Variants in PSG3 observed in about 807,000 individuals in gnomAD.
The protein encoded by PSG3 is pregnancy specific beta-1-glycoprotein 3.
PSG3 carries 61 observed loss-of-function variants against 47.5 expected under a neutral mutation model. The observed-to-expected ratio is 1.28, with a 90% CI of 1.05 to 1.59. The LOEUF (loss-of-function observed/expected upper bound fraction) is 1.59. Among genes scored for constraint, PSG3 ranks in the 40% most tolerant of loss-of-function variants. PSG3 has a pLI of 0.00. For missense variants in PSG3, 756 were observed against 524.0 expected (o/e 1.44, Z -4.32); for synonymous variants, 263 against 198.4 (o/e 1.33, Z -2.74).
At chr19:42,724,906 G>A (rs1047125063) in intron 5 of PSG3, among the ~76,000 whole-genome samples, 1 of 152,016 alleles carries the variant, frequency 6.6e-6, no homozygotes. Flanking sequence ...GGAAGGTACT[G>A]TTGAGGGGCA....
intron 5 of PSG3, among the ~76,000 whole-genome samples, chr19:42,728,659 T>G (rs1476410020): frequency 6.6e-6 from 1 of 151,978 alleles, no homozygotes; most frequent in Non-Finnish European, 1.5e-5. Flanking sequence ...GGAAGCAGAG[T>G]CTGAGCTGCT....
At position 42,721,942 on chromosome 19, in the gene PSG3, G is replaced by T; in HGVS notation, c.*189C>A. On this transcript the variant is annotated 3_prime_UTR_variant, in exon 7 of 7. Coordinates refer to ENST00000327495, the MANE Select transcript of PSG3 (RefSeq NM_021016.4). ...CAGCCTGTTCATTAAAATTTTGAAA[G>T]TTCTTAGTCCAGTGGTATGATCTTG... The T allele has an allele frequency of 2.4e-6, 1 of 415,298 alleles. No homozygotes were observed. The highest frequency in any genetic ancestry group is 3.6e-5 in the East Asian group (1 of 27,966). The allele number at this position is 415,298 out of a possible 1,614,324, so 25.7% of individuals were successfully genotyped here. A position where few individuals can be genotyped will look rare whatever the true frequency, so the allele number is the denominator to read the frequency against.
At chr19:42,738,260 G>T (rs1286275101) in intron 2 of PSG3, among the ~76,000 whole-genome samples, 2 of 152,200 alleles carry the variant, frequency 1.3e-5, no homozygotes, top group Non-Finnish European at 2.9e-5. Flanking sequence ...AGTAAGCCCT[G>T]CCCAAGAAGC....
rs564450460 is a variant in PSG3, at chr19:42,721,818, A to C, written c.*313T>G. 30 of 411,000 alleles carry C rather than the reference A, an allele frequency of 7.3e-5. No individual in the cohort carries two copies. The highest frequency in any genetic ancestry group is 3.9e-4 in the African/African-American group (19 of 48,746). 25.5% of individuals were successfully genotyped at this position (411,000 alleles called of 1,614,324 possible). On this transcript the variant is annotated 3_prime_UTR_variant, in exon 7 of 7. Coordinates refer to ENST00000327495, the MANE Select transcript of PSG3 (RefSeq NM_021016.4). ...ATCTGGAGAATAAAACATTCAAAGA[A>C]TCAGCACATTTTCAAATAGAAAATT...
chr19:42,726,036 A>C (rs1969373286), intron 5 of PSG3, among the ~76,000 whole-genome samples: 1 of 152,146 alleles, frequency 6.6e-6, no homozygotes, highest in Non-Finnish European at 1.5e-5. Flanking sequence ...AGAAACACAC[A>C]AAAATATGAA....
intron 5 of PSG3, among the ~76,000 whole-genome samples, chr19:42,727,565 C>T (rs566138149): frequency 6.6e-6 from 1 of 152,274 alleles, no homozygotes; most frequent in Admixed American, 6.5e-5. Flanking sequence ...TGTTACACCA[C>T]CTCACACACT....
intron 2 of PSG3, among the ~76,000 whole-genome samples, chr19:42,735,029 T>A (rs549993588): frequency 1.8e-4 from 27 of 152,298 alleles, no homozygotes; most frequent in African/African-American, 6.3e-4. Context: ...AACGGCATCA[T>A]CATGAGGAAA....
intron 5 of PSG3, 42 bp from the exon 6 acceptor site, chr19:42,724,067 T>A: frequency 6.3e-7 from 1 of 1,575,246 alleles, no homozygotes; most frequent in Non-Finnish European, 8.7e-7. Context: ...AAGATGATGT[T>A]ATTTTACATG....
intron 2 of PSG3, among the ~76,000 whole-genome samples, chr19:42,734,976 A>G (rs556251613): frequency 6.6e-6 from 1 of 152,312 alleles, no homozygotes; most frequent in South Asian, 2.1e-4. Context: ...TGAGATGCCA[A>G]TGGTTTGTGT....
rs757928012 is a variant in PSG3, at chr19:42,738,725, G to T, written c.429C>A (p.Tyr143Ter). 3 of 1,613,734 alleles carry T rather than the reference G, an allele frequency of 1.9e-6. No individual in the cohort carries two copies. The highest frequency in any genetic ancestry group is 1.7e-6 in the Non-Finnish European group (2 of 1,179,754). The change falls in exon 2 of 7, where the codon TAC becomes TAA. Residue 143 changes from tyrosine (Y) to a stop codon, truncating the protein, a stop_gained and splice_region_variant. Coordinates refer to ENST00000327495, the MANE Select transcript of PSG3 (RefSeq NM_021016.4). LOFTEE classifies it high-confidence loss of function. ...CAGTGATCACGTGGAGTCACTCACG[G>T]TATAAGGTGAAGGTGAAATGTCCAG... ...GETGHFTFTL[Y>*]LETPKPSISS...
chr19:42,724,009 T>A lies in PSG3; in HGVS notation c.1260A>T (p.Gly420=). ...TVKVSAPSGT[G]HLPGLNPL ...ATAATGGATTAAGGCCAGGAAGATG[T>A]CCTGTTCCTGAAGGAGCTGTCATGG... Residue 420 remains glycine, a synonymous_variant, in exon 6 of 7, where the codon GGA becomes GGT. Coordinates refer to ENST00000327495, the MANE Select transcript of PSG3 (RefSeq NM_021016.4). 6.2e-7 allele frequency: 1 copy of A among 1,611,946 alleles called. No homozygotes were observed. The highest frequency in any genetic ancestry group is 8.5e-7 in the Non-Finnish European group (1 of 1,178,060).
chr19:42,738,579 G>A, intron 2 of PSG3, 145 bp downstream of exon 2: 1 of 1,501,550 alleles, frequency 6.7e-7, no homozygotes, highest in Non-Finnish European at 9.2e-7. Flanking sequence ...TGTCTCTTCT[G>A]TGTGTGTCCT....
rs757848641 is a variant in PSG3 at position 42,729,159 on chromosome 19, T to C, written c.1207A>G (p.Met403Val). The change falls in exon 5 of 7, where the codon ATG becomes GTG. Residue 403 changes from methionine to valine, a missense_variant. Met to Val is a conservative substitution (Grantham distance 21). Coordinates refer to ENST00000327495, the MANE Select transcript of PSG3 (RefSeq NM_021016.4). ...ACTGTCATGGATTTGGAGCTTTCCA[T>C]GCCAGTGGCTGAGTTACGAACAGAG... is the stretch of plus-strand genomic sequence containing the variant. The part of the protein sequence containing the change: ...ACSVRNSATG[M>V]ESSKSMTVKV... The C allele has an allele frequency of 1.2e-6, 2 of 1,614,016 alleles. No individual in the cohort carries two copies. Among genetic ancestry groups the C allele is most frequent in the East Asian group, 2.2e-5 (1 of 44,888 alleles).
chr19:42,726,061 G>C (rs1375572168), intron 5 of PSG3, among the ~76,000 whole-genome samples: 2 of 152,036 alleles, frequency 1.3e-5, no homozygotes, highest in Non-Finnish European at 2.9e-5. Flanking sequence ...ACTATAATCA[G>C]TAATAAGATT....
At chr19:42,738,007 A>G (rs1325549564) in intron 2 of PSG3, among the ~76,000 whole-genome samples, 2 of 152,218 alleles carry the variant, frequency 1.3e-5, no homozygotes, top group Non-Finnish European at 2.9e-5. Flanking sequence ...ACAAGCTGCT[A>G]CCTGGTATAT....
chr19:42,725,784 A>T (rs1467066167), intron 5 of PSG3, among the ~76,000 whole-genome samples: 4 of 150,730 alleles, frequency 2.7e-5, no homozygotes, highest in African/African-American at 9.8e-5. Flanking sequence ...GAATTACTTG[A>T]GCCCAGGAGG....
At position 42,732,936 on chromosome 19, in the gene PSG3, C is replaced by A; in HGVS notation, c.557G>T (p.Ser186Ile). The A allele has an allele frequency of 6.2e-7, 1 of 1,614,122 alleles. No individual in the cohort carries two copies. Among genetic ancestry groups the A allele is most frequent in the Non-Finnish European group, 8.5e-7 (1 of 1,180,006 alleles). ...CTGCAAGCTGTGAGTCATAGGGAGG[C>A]TCTGACCATTCATCCACCACAGGTA... The part of the protein sequence containing the change: ...ASYLWWMNGQ[S>I]LPMTHSLQLS... Residue 186 changes from serine to isoleucine, a missense_variant, in exon 3 of 7, where the codon AGC becomes ATC. By Grantham distance (142) the Ser-to-Ile change is moderately radical (BLOSUM62 -2). Transcript: ENST00000327495.
At position 42,732,776 on chromosome 19, in the gene PSG3, A is replaced by G. The variant is rs776011537; in HGVS notation, c.709+8T>C. The G allele has an allele frequency of 1.2e-6, 2 of 1,613,982 alleles. No homozygotes were observed. Among genetic ancestry groups the G allele is most frequent in the Non-Finnish European group, 1.7e-6 (2 of 1,180,022 alleles). ...AGACTGGCTCACAGAGGAACAGGAG[A>G]TACTCACGGAGGAGATTCAGGGTGA... On this transcript the variant is annotated splice_region_variant and intron_variant, in intron 3 of 6. Transcript: ENST00000327495.
chr19:42,723,931 G>A lies in PSG3; in HGVS notation c.*40+11C>T, dbSNP rs539012751. ...CTGCAGGAACCAGGATAAGAGGAAA[G>A]GTCATCATACCTGCCAGTCTTCCTG... On this transcript the variant is annotated intron_variant, in intron 6 of 6. Coordinates refer to ENST00000327495, the MANE Select transcript of PSG3 (RefSeq NM_021016.4). 18 of 1,553,766 alleles carry A rather than the reference G, an allele frequency of 1.2e-5. 1 individual carries two copies. In the Admixed American group the frequency reaches 2.7e-4, roughly 23 times the overall value.
Sources: allele counts gnomAD v4.1 joint callset (sites outside exome capture counted in the v4.1 genomes callset), GRCh38; gene constraint gnomAD v4.1.1; transcripts MANE v1.5; gene names NCBI Gene and HGNC (gene_info 2026-07-23, HGNC 2026-07-21).